The following RYR2 variants were observed in gnomAD, a reference collection of about 807,000 sequenced individuals.
The protein encoded by RYR2 is ryanodine receptor 2, also known as cardiac muscle ryanodine receptor-calcium release channel.
A neutral mutation model predicts 601.1 loss-of-function variants in RYR2; 227 were observed. The observed-to-expected ratio is 0.38, with a 90% CI of 0.34 to 0.42. The LOEUF is 0.42. RYR2 is among the 10% of genes least tolerant of loss of function. RYR2 has a pLI of 1.00. For synonymous variants in RYR2, 2,223 were observed against 2,175.1 expected, an observed-to-expected ratio of 1.02 and a Z score of -0.61; for missense variants, 4,646 against 6,156.5, an observed-to-expected ratio of 0.75 and a Z score of 8.21.
chr1:237,445,437 A>G lies in RYR2; in HGVS notation c.1207A>G (p.Ile403Val), dbSNP rs142797573. The change falls in exon 14 of 105, where the codon ATA (isoleucine) becomes GTA (valine). Residue 403 changes from isoleucine to valine, a missense_variant. By Grantham distance (29) the Ile-to-Val change is conservative. Coordinates refer to ENST00000366574, the MANE Select transcript of RYR2 (RefSeq NM_001035.3). ...MHHEGHMDDG[I>V]SLSRSQHEES... The stretch of plus-strand genomic sequence containing the variant: ...TCATGAAGGCCACATGGATGATGGC[A>G]TAAGTTTGTCGAGATCCCAGCATGA... 2 of 1,613,708 alleles carry G rather than the reference A, an allele frequency of 1.2e-6. No homozygotes were observed. Among genetic ancestry groups the G allele is most frequent in the African/African-American group, 1.3e-5 (1 of 75,028 alleles).
At chr1:237,491,688 T>C (rs939247391) in intron 17 of RYR2, 118 bp from the exon 18 acceptor site, 5 of 611,106 alleles carry the variant, frequency 8.2e-6, no homozygotes, top group African/African-American at 5.6e-5. Context: ...AACAGTCACA[T>C]TGAGCACAGA....
Position 237,180,597 on chromosome 1 carries a change from A to T in RYR2, c.49-89900A>T, listed in dbSNP as rs571089791. On this transcript the variant is annotated intron_variant, in intron 1 of 104. Coordinates refer to ENST00000366574, the MANE Select transcript of RYR2 (RefSeq NM_001035.3). The surrounding 1 kb of genome is among the most constrained non-coding windows in gnomAD (Gnocchi z 5.3). ...GTGTGTGTGTATATATGTATATATA[A>T]GTATATATATGTATATATGTATATA... Among the ~76,000 whole-genome samples the T allele has an allele frequency of 0.029, 3,432 of 119,736 alleles. 74 individuals are homozygous for T. The highest frequency in any genetic ancestry group is 0.041 in the Non-Finnish European group (2,490 of 60,502). 78.6% of individuals were successfully genotyped at this position (119,736 alleles called of 152,430 possible). A position where few individuals can be genotyped will look rare whatever the true frequency, so the allele number is the denominator to read the frequency against.
intron 104 of RYR2, 77 bp downstream of exon 104, chr1:237,831,642 TA>T: frequency 1.2e-6 from 1 of 843,368 alleles, no homozygotes; most frequent in Non-Finnish European, 1.9e-6. Flanking sequence ...ATGTGTGCAT[TA>T]AACAGTGAGG....
In RYR2 at chr1:237,566,450, G is replaced by A. The variant is rs199498906; in HGVS notation, c.3215-117G>A. On this transcript the variant is annotated intron_variant, in intron 27 of 104. Coordinates refer to ENST00000366574, the MANE Select transcript of RYR2 (RefSeq NM_001035.3). ...ATAAGAAGGTATCATTATCATCATC[G>A]CTCTAGGTTGAATTACTAAAGTCGT... The A allele has an allele frequency of 1.3e-4, 137 of 1,016,754 alleles. 1 individual carries two copies. In the East Asian group the frequency reaches 3.2e-3, roughly 24 times the overall value. The allele number at this position is 1,016,754 out of a possible 1,614,324, so 63.0% of individuals were successfully genotyped here.
intron 3 of RYR2, among the ~76,000 whole-genome samples, chr1:237,346,136 T>C (rs1397015836): frequency 6.6e-6 from 1 of 151,802 alleles, no homozygotes; most frequent in Non-Finnish European, 1.5e-5. Context: ...GAGGCTGAGG[T>C]GGGCAGATCA....
intron 17 of RYR2, among the ~76,000 whole-genome samples, chr1:237,481,098 G>GTA (rs1553467404): frequency 1.1e-5 from 1 of 87,588 alleles, no homozygotes; most frequent in Non-Finnish European, 2.1e-5. Context: ...ATTTTTAAGT[G>GTA]TATATATACA....
At chr1:237,787,845 T>C in intron 91 of RYR2, 143 bp from the exon 92 acceptor site, 1 of 762,850 alleles carries the variant, frequency 1.3e-6, no homozygotes. Context: ...AAATTCAGAA[T>C]ATTATCATTC....
intron 35 of RYR2, 36 bp downstream of exon 35, chr1:237,602,147 T>A: frequency 6.6e-6 from 10 of 1,514,900 alleles, no homozygotes; most frequent in Non-Finnish European, 9.1e-6. Context: ...TATTTGTATT[T>A]TTTCTATTAG....
intron 1 of RYR2, among the ~76,000 whole-genome samples, chr1:237,129,772 C>T (rs1671953734): frequency 6.6e-6 from 1 of 151,682 alleles, no homozygotes; most frequent in Non-Finnish European, 1.5e-5. Flanking sequence ...GAATGAAATT[C>T]TGTCATTCTT....
chr1:237,323,073 C>T (rs1442303745), intron 2 of RYR2, among the ~76,000 whole-genome samples: 1 of 152,106 alleles, frequency 6.6e-6, no homozygotes, highest in Admixed American at 6.6e-5. Context: ...GTAGATTTCT[C>T]AACCTAGAGC....
At chr1:237,425,381 G>C (rs974903925) in intron 12 of RYR2, among the ~76,000 whole-genome samples, 5 of 152,216 alleles carry the variant, frequency 3.3e-5, no homozygotes, top group East Asian at 3.9e-4. Flanking sequence ...TATAAAGAAG[G>C]CTGGGTGTGG....
In RYR2 at chr1:237,706,982, G is replaced by T. The variant is rs2149058149; in HGVS notation, c.9614G>T (p.Cys3205Phe). Residue 3205 changes from cysteine to phenylalanine, a missense_variant, in exon 68 of 105, where the codon TGT becomes TTT. This residue lies in a region of RYR2 where 1,497 missense variants were observed against 1,842.6 expected (regional missense o/e 0.81). Coordinates refer to ENST00000366574, the MANE Select transcript of RYR2 (RefSeq NM_001035.3). ...LSLPTNVEDV[C>F]PNIPSLEKLM... is the part of the protein sequence containing the mutation. ...TTGCCAACTAATGTGGAAGATGTTT[G>T]TCCAAACATACCGTCTTTGGAGAAA... is the stretch of plus-strand genomic sequence containing the variant. The T allele has an allele frequency of 6.2e-7, 1 of 1,613,638 alleles. No homozygotes were observed. Among genetic ancestry groups the T allele is most frequent in the African/African-American group, 1.3e-5 (1 of 75,020 alleles).
intron 24 of RYR2, among the ~76,000 whole-genome samples, chr1:237,518,115 A>G (rs1237262616): frequency 6.6e-6 from 1 of 152,082 alleles, no homozygotes; most frequent in Non-Finnish European, 1.5e-5. Flanking sequence ...TAATGTTACT[A>G]TCACCACATC....
intron 77 of RYR2, 33 bp from the exon 78 acceptor site, chr1:237,732,011 TAA>T: frequency 7.2e-7 from 1 of 1,383,204 alleles, no homozygotes; most frequent in Admixed American, 1.8e-5. Flanking sequence ...CATTTTTTTT[TAA>T]TGTGACATTT....
chr1:237,483,722 C>T (rs753996299), intron 17 of RYR2, among the ~76,000 whole-genome samples: 14 of 152,124 alleles, frequency 9.2e-5, no homozygotes, highest in Non-Finnish European at 1.5e-4. Context: ...TAGTCATTTC[C>T]CAGTTTACTT....
chr1:237,371,450 C>A (rs1700634954), intron 6 of RYR2, among the ~76,000 whole-genome samples: 1 of 152,200 alleles, frequency 6.6e-6, no homozygotes, highest in Non-Finnish European at 1.5e-5. Flanking sequence ...AGCCACCATG[C>A]CCGGCATGAT....
At chr1:237,446,786 G>A (rs988679902) in intron 14 of RYR2, among the ~76,000 whole-genome samples, 1 of 152,070 alleles carries the variant, frequency 6.6e-6, no homozygotes, top group African/African-American at 2.4e-5. Context: ...TAAATCGAAT[G>A]GGGTATGCAC....
At position 237,617,436 on chromosome 1, in the gene RYR2, G is replaced by T; in HGVS notation, c.5866G>T (p.Ala1956Ser). The change falls in exon 38 of 105, where the codon GCA becomes TCA. Residue 1956 changes from alanine to serine, a missense_variant. Around this residue, in one of 17 missense-constraint regions of RYR2, gnomAD observed 7 missense variants for 26.9 expected, o/e 0.26. Coordinates refer to ENST00000366574, the MANE Select transcript of RYR2 (RefSeq NM_001035.3). ...CATGCAAGCCTTAAACATGTCAGCT[G>T]CACTCACAGCCAGGAAGACAAAGGA... ...EVMQALNMSA[A>S]LTARKTKEFR... 1.9e-6 allele frequency: 3 copies of T among 1,613,936 alleles called. No homozygotes were observed. Among genetic ancestry groups the T allele is most frequent in the Non-Finnish European group, 2.5e-6 (3 of 1,179,868 alleles).
chr1:237,671,654 G>T (rs1684954975), intron 58 of RYR2, among the ~76,000 whole-genome samples: 1 of 151,996 alleles, frequency 6.6e-6, no homozygotes, highest in South Asian at 2.1e-4. Context: ...CCCTGCATCT[G>T]TGCAGAGAAG....
Sources: allele counts gnomAD v4.1 joint callset (sites outside exome capture counted in the v4.1 genomes callset), GRCh38; gene constraint gnomAD v4.1.1; regional missense constraint gnomAD v4.1.1; non-coding constraint Gnocchi (gnomAD v3.1); transcripts MANE v1.5; gene names NCBI Gene and HGNC (gene_info 2026-07-23, HGNC 2026-07-21).